The following GARIN1A variants were observed in gnomAD, a reference collection of about 807,000 sequenced individuals.
GARIN1A encodes golgi associated RAB2 interactor 1A.
chr7:128,675,971 C>T, the GARIN1A span: 13 of 687,430 alleles, frequency 1.9e-5, no homozygotes, highest in African/African-American at 1.8e-4. Context: ...GTGCATAAAC[C>T]CTGTAGAACT....
chr7:128,688,782 C>T, the GARIN1A span, among the ~76,000 whole-genome samples: 1 of 45,328 alleles, frequency 2.2e-5, no homozygotes, highest in Non-Finnish European at 4.6e-5. Flanking sequence ...CCCTCCCCCT[C>T]CCCCTCCCCC....
At chr7:128,682,995 T>C in the GARIN1A span, 1 of 1,609,504 alleles carries the variant, frequency 6.2e-7, no homozygotes, top group Non-Finnish European at 8.5e-7. Context: ...AATAGACAAC[T>C]GCAGCAGCTA....
chr7:128,698,307 A>G, the GARIN1A span, among the ~76,000 whole-genome samples: 1 of 151,806 alleles, frequency 6.6e-6, no homozygotes, highest in Admixed American at 6.6e-5. Flanking sequence ...CACACCCCAC[A>G]CTGGGGCTGC....
chr7:128,698,595 G>A, the GARIN1A span, among the ~76,000 whole-genome samples: 1 of 152,194 alleles, frequency 6.6e-6, no homozygotes, highest in South Asian at 2.1e-4. Context: ...ATTTGTATTT[G>A]TTTGATTTTA....
chr7:128,699,007 G>A, the GARIN1A span, among the ~76,000 whole-genome samples: 1 of 152,130 alleles, frequency 6.6e-6, no homozygotes, highest in Admixed American at 6.5e-5. Flanking sequence ...TCTCGTGAGG[G>A]CTCTTGCTAC....
the GARIN1A span, chr7:128,677,956 T>A: frequency 1.6e-6 from 1 of 613,998 alleles, no homozygotes; most frequent in Non-Finnish European, 2.6e-6. Context: ...TATTCAGTAG[T>A]ATGAATGAAT....
the GARIN1A span, among the ~76,000 whole-genome samples, chr7:128,681,927 T>TC: frequency 8.3e-6 from 1 of 120,470 alleles, no homozygotes; most frequent in Admixed American, 9.7e-5. Flanking sequence ...GGGACCATGC[T>TC]CCCCCAGGCA....
chr7:128,674,630 C>G, the GARIN1A span, among the ~76,000 whole-genome samples: 131 of 152,230 alleles, frequency 8.6e-4, 1 homozygote, highest in African/African-American at 2.7e-3. Context: ...AATTTCATTC[C>G]TCAACAAGGG....
the GARIN1A span, chr7:128,709,113 G>C: frequency 1.3e-5 from 2 of 152,348 alleles, no homozygotes; most frequent in Admixed American, 6.5e-5. Flanking sequence ...GCAGGAGCTG[G>C]AGCAGCCACC....
the GARIN1A span, chr7:128,690,411 TA>T: frequency 0.16 from 23,690 of 152,714 alleles, 2,216 homozygotes; most frequent in African/African-American, 0.26. Flanking sequence ...TAAAAATAAA[TA>T]AATAAATAAT....
the GARIN1A span, among the ~76,000 whole-genome samples, chr7:128,703,766 C>T: frequency 1.5e-5 from 2 of 130,230 alleles, no homozygotes; most frequent in Non-Finnish European, 3.3e-5. Context: ...GACAGAGCGA[C>T]ATCCTGTCTC....
chr7:128,672,649 A>C, the GARIN1A span: 2 of 122,760 alleles, frequency 1.6e-5, no homozygotes, highest in Non-Finnish European at 3.4e-5. Context: ...GCCCTGGGGG[A>C]GGGGGGGGCG....
At chr7:128,698,443 C>T in the GARIN1A span, among the ~76,000 whole-genome samples, 4 of 152,164 alleles carry the variant, frequency 2.6e-5, no homozygotes, top group Middle Eastern at 3.4e-3. Context: ...GCCTCAGAGT[C>T]TCTCCTGCCC....
At chr7:128,681,520 C>A in the GARIN1A span, among the ~76,000 whole-genome samples, 1 of 135,928 alleles carries the variant, frequency 7.4e-6, no homozygotes, top group Non-Finnish European at 1.6e-5. Flanking sequence ...CCTCTCCTTT[C>A]CAACAGTGTC....
At chr7:128,701,316 C>T in the GARIN1A span, among the ~76,000 whole-genome samples, 5 of 106,550 alleles carry the variant, frequency 4.7e-5, no homozygotes, top group Non-Finnish European at 9.8e-5. Context: ...AAGGGTACAT[C>T]TATAGGGGAG....
At chr7:128,692,827 T>C in the GARIN1A span, among the ~76,000 whole-genome samples, 129 of 152,300 alleles carry the variant, frequency 8.5e-4, no homozygotes, top group Non-Finnish European at 1.5e-3. Context: ...TCTGGGTTCA[T>C]TAGTGACCTC....
At chr7:128,672,522 C>T in the GARIN1A span, 16 of 1,610,008 alleles carry the variant, frequency 9.9e-6, no homozygotes, top group South Asian at 2.2e-5. Context: ...TTCTCCAACT[C>T]GGTGGTGTTT....
chr7:128,707,015 C>T, the GARIN1A span, among the ~76,000 whole-genome samples: 20,539 of 147,796 alleles, frequency 0.14, 1,568 homozygotes, highest in African/African-American at 0.2. Context: ...GGGGTATGCT[C>T]TCTCCTAAAA....
chr7:128,704,906 T>G, the GARIN1A span, among the ~76,000 whole-genome samples: 2 of 152,182 alleles, frequency 1.3e-5, no homozygotes. Flanking sequence ...GAAACTACAT[T>G]ACATTATAAT....
Sources: allele counts gnomAD v4.1 joint callset (sites outside exome capture counted in the v4.1 genomes callset), GRCh38; gene constraint gnomAD v4.1.1; transcripts MANE v1.5; gene names NCBI Gene and HGNC (gene_info 2026-07-23, HGNC 2026-07-21).